The following CTNNA2 variants were observed in gnomAD, a reference collection of about 807,000 sequenced individuals.
The protein encoded by CTNNA2 is catenin alpha-2.
A neutral mutation model predicts 101.0 loss-of-function variants in CTNNA2; 42 were observed. The observed-to-expected ratio is 0.42, with a 90% CI of 0.32 to 0.54. The LOEUF is 0.54. Ranked by LOEUF, CTNNA2 falls within the 20% of genes least tolerant of loss-of-function variation. CTNNA2 has a pLI of 0.14. For synonymous variants in CTNNA2, 450 were observed against 456.4 expected, an observed-to-expected ratio of 0.99 and a Z score of 0.18; for missense variants, 871 against 1,223.1, an observed-to-expected ratio of 0.71 and a Z score of 4.29.
chr2:80,412,954 T>C (rs1262639136), intron 8 of CTNNA2, among the ~76,000 whole-genome samples: 1 of 152,140 alleles, frequency 6.6e-6, no homozygotes, highest in African/African-American at 2.4e-5. Flanking sequence ...GCCCTAAACA[T>C]GACACATGGC....
At chr2:79,860,548 T>TTTTTTTTTTTTG (rs1467741399) in intron 4 of CTNNA2, among the ~76,000 whole-genome samples, 60 of 147,226 alleles carry the variant, frequency 4.1e-4, no homozygotes, top group Non-Finnish European at 8.1e-4. Flanking sequence ...TAAGGGAAGT[T>TTTTTTTTTTTTG]TTTTTTTTTT....
chr2:79,421,989 C>A (rs557885795), intron 4 of CTNNA2, among the ~76,000 whole-genome samples: 1 of 152,050 alleles, frequency 6.6e-6, no homozygotes, highest in African/African-American at 2.4e-5. Context: ...TCCATCTCTA[C>A]TAAAAATACA....
At chr2:80,629,426 T>C (rs1672041911) in intron 18 of CTNNA2, among the ~76,000 whole-genome samples, 1 of 152,182 alleles carries the variant, frequency 6.6e-6, no homozygotes, top group Non-Finnish European at 1.5e-5. Context: ...AAAATGGAGA[T>C]TCCTGAAATC....
chr2:80,579,161 C>T (rs1324152260), intron 13 of CTNNA2: 1 of 152,138 alleles, frequency 6.6e-6, no homozygotes, highest in African/African-American at 2.4e-5. Flanking sequence ...CCCCTGAGTC[C>T]TCGTCCAGGT....
At chr2:80,239,123 A>G (rs1047927298) in intron 7 of CTNNA2, among the ~76,000 whole-genome samples, 2 of 152,220 alleles carry the variant, frequency 1.3e-5, no homozygotes, top group Admixed American at 1.3e-4. Context: ...TACGTCTTCC[A>G]TCCATGTGTG....
chr2:79,998,016 T>C (rs1328198448), intron 7 of CTNNA2, among the ~76,000 whole-genome samples: 1 of 152,208 alleles, frequency 6.6e-6, no homozygotes. Flanking sequence ...ACTAAAATCC[T>C]AATTAAATAT....
At chr2:79,487,176 A>G (rs1671166543) in intron 4 of CTNNA2, among the ~76,000 whole-genome samples, 1 of 152,222 alleles carries the variant, frequency 6.6e-6, no homozygotes, top group Admixed American at 6.5e-5. Flanking sequence ...ATCTTGTAAC[A>G]GTAGATTTGA....
At chr2:79,612,021 A>G (rs1451074879) in intron 1 of CTNNA2, among the ~76,000 whole-genome samples, 1 of 152,144 alleles carries the variant, frequency 6.6e-6, no homozygotes, top group Non-Finnish European at 1.5e-5. Flanking sequence ...GAATCTGCTA[A>G]GTTTTCACCT....
intron 14 of CTNNA2, among the ~76,000 whole-genome samples, chr2:80,584,234 T>C (rs893521292): frequency 6.6e-6 from 1 of 152,116 alleles, no homozygotes; most frequent in Non-Finnish European, 1.5e-5. Flanking sequence ...ATGATATTAC[T>C]TTGTGTTCAC....
intron 7 of CTNNA2, among the ~76,000 whole-genome samples, chr2:79,969,072 C>T (rs932596596): frequency 1.3e-5 from 2 of 152,108 alleles, no homozygotes; most frequent in African/African-American, 4.8e-5. Context: ...TAAGAGACAT[C>T]ATTACTTATG....
chr2:80,007,986 G>C (rs539303532), intron 7 of CTNNA2, among the ~76,000 whole-genome samples: 1 of 152,280 alleles, frequency 6.6e-6, no homozygotes, highest in African/African-American at 2.4e-5. Context: ...GTTCAAAAGA[G>C]GGCTGAGAGC....
At chr2:79,745,233 C>A (rs980671598) in intron 3 of CTNNA2, among the ~76,000 whole-genome samples, 1 of 152,056 alleles carries the variant, frequency 6.6e-6, no homozygotes, top group African/African-American at 2.4e-5. Flanking sequence ...GAGTTCAAGA[C>A]CAGCCTGGGC....
chr2:80,617,113 GT>G (rs1223987330), intron 17 of CTNNA2, among the ~76,000 whole-genome samples: 1 of 151,710 alleles, frequency 6.6e-6, no homozygotes, highest in Non-Finnish European at 1.5e-5. Flanking sequence ...AACTTAAGGT[GT>G]TTATTGGAAG....
intron 7 of CTNNA2, among the ~76,000 whole-genome samples, chr2:80,390,731 C>T (rs1677431137): frequency 6.6e-6 from 1 of 152,332 alleles, no homozygotes; most frequent in Middle Eastern, 3.4e-3. Context: ...GCACAACTCA[C>T]CTCATTCACC....
At chr2:80,177,931 C>G (rs1287830114) in intron 7 of CTNNA2, among the ~76,000 whole-genome samples, 2 of 152,252 alleles carry the variant, frequency 1.3e-5, no homozygotes, top group Non-Finnish European at 2.9e-5. Context: ...GTTCTGCCCA[C>G]TGGGAAGATT....
At chr2:79,523,114 C>A in intron 1 of CTNNA2, 2 of 307,088 alleles carry the variant, frequency 6.5e-6, no homozygotes, top group Admixed American at 4.2e-5. Flanking sequence ...CTAAGCGTTT[C>A]CTGCCATAAT....
intron 18 of CTNNA2, among the ~76,000 whole-genome samples, chr2:80,642,883 C>A (rs2149860314): frequency 6.6e-6 from 1 of 152,148 alleles, no homozygotes; most frequent in Non-Finnish European, 1.5e-5. Context: ...CCATTCAAAA[C>A]ACAAAATGAG....
chr2:80,008,064 G>T (rs188290758), intron 7 of CTNNA2, among the ~76,000 whole-genome samples: 93 of 152,214 alleles, frequency 6.1e-4, no homozygotes, highest in Non-Finnish European at 1.0e-3. Flanking sequence ...ATGATCATGG[G>T]GCTCTATGAC....
intron 6 of CTNNA2, among the ~76,000 whole-genome samples, chr2:79,893,823 AAAT>A (rs1344632155): frequency 2.0e-5 from 3 of 152,192 alleles, no homozygotes; most frequent in Admixed American, 6.5e-5. Context: ...ATAATTATAC[AAAT>A]AATAGTTTTT....
Sources: allele counts gnomAD v4.1 joint callset (sites outside exome capture counted in the v4.1 genomes callset), GRCh38; gene constraint gnomAD v4.1.1; transcripts MANE v1.5; gene names NCBI Gene and HGNC (gene_info 2026-07-23, HGNC 2026-07-21).